Variants in CELF2 observed in about 807,000 individuals in gnomAD.
The protein encoded by CELF2 is CUG triplet repeat RNA-binding protein 2.
Under a neutral mutation model 62.6 loss-of-function variants are expected in CELF2, and 8 were observed. That is an observed-to-expected ratio of 0.13 (90% CI 0.07 to 0.23). The LOEUF (loss-of-function observed/expected upper bound fraction) is 0.23, where lower values mean the gene tolerates loss of function less well. CELF2 is among the 10% of genes least tolerant of loss of function. The pLI is 1.00. For missense variants in CELF2, 333 were observed against 671.0 expected, an observed-to-expected ratio of 0.50 and a Z score of 5.56; for synonymous variants, 258 against 250.0, an observed-to-expected ratio of 1.03 and a Z score of -0.30.
intron 1 of CELF2, among the ~76,000 whole-genome samples, chr10:11,068,809 C>T (rs2068871142): frequency 6.6e-6 from 1 of 152,188 alleles, no homozygotes; most frequent in Non-Finnish European, 1.5e-5. Flanking sequence ...ATCCACCCGC[C>T]TCAGCTTCCC....
At chr10:10,697,544 TCA>T in the CELF2 span, among the ~76,000 whole-genome samples, 1 of 152,184 alleles carries the variant, frequency 6.6e-6, no homozygotes, top group East Asian at 1.9e-4. Flanking sequence ...AATTGACTTC[TCA>T]CAGTTCTAGA....
At position 11,005,668 on chromosome 10, in the gene CELF2, G is replaced by C. The variant is rs1233435345; in HGVS notation, c.53+228G>C. Among the ~76,000 whole-genome samples, 1 of 152,170 alleles carries C rather than the reference G, an allele frequency of 6.6e-6. No individual in the cohort carries two copies. Among genetic ancestry groups the C allele is most frequent in the Admixed American group, 6.5e-5 (1 of 15,274 alleles). Reference sequence around the variant, plus strand: ...GCCGTGAATTCTATTTGTACTAGTTGCCTTTTGAAAGCATATCATGTATTT... The same window carrying C: ...GCCGTGAATTCTATTTGTACTAGTTCCCTTTTGAAAGCATATCATGTATTT... On this transcript the variant is annotated intron_variant, in intron 1 of 12. Coordinates refer to the CELF2 transcript ENST00000416382. This position sits in a 1 kb window ranked among gnomAD's most constrained non-coding sequence, Gnocchi z 4.3.
chr10:10,482,092 T>G, the CELF2 span, among the ~76,000 whole-genome samples: 1 of 152,238 alleles, frequency 6.6e-6, no homozygotes, highest in Non-Finnish European at 1.5e-5. Context: ...GCACATACAC[T>G]CTGCGTCTGT....
chr10:10,582,252 A>G, the CELF2 span, among the ~76,000 whole-genome samples: 1 of 152,182 alleles, frequency 6.6e-6, no homozygotes, highest in African/African-American at 2.4e-5. Context: ...CAGTATTTTT[A>G]TAGCAAGCCC....
In CELF2 at chr10:11,156,304, G is replaced by A. The variant is rs964339804; in HGVS notation, c.75-9182G>A. Among the ~76,000 whole-genome samples, 45 of 152,144 alleles carry A rather than the reference G, an allele frequency of 3.0e-4. No individual in the cohort carries two copies. Among genetic ancestry groups the A allele is most frequent in the African/African-American group, 1.0e-3 (43 of 41,416 alleles). On this transcript the variant is annotated intron_variant, in intron 1 of 12. Transcript: ENST00000633077. This position sits in a 1 kb window ranked among gnomAD's most constrained non-coding sequence, Gnocchi z 4.3. The stretch of plus-strand genomic sequence containing the variant: ...TAATAGTGGCGACAGATCACATGAC[G>A]TGTGATTTAATTTTACTGCTTTGAA...
rs1681801093 is a variant in CELF2 at position 11,008,371 on chromosome 10, T to G, written c.53+2931T>G. On this transcript the variant is annotated intron_variant, in intron 1 of 12. Transcript: ENST00000416382. This position sits in a 1 kb window ranked among gnomAD's most constrained non-coding sequence, Gnocchi z 4.5. The stretch of plus-strand genomic sequence containing the variant: ...CCACAGACTGAGATCTCTAACCCCC[T>G]GTGTATGAATATTCCTTGATTTGTT... Among the ~76,000 whole-genome samples the G allele has an allele frequency of 6.6e-6, 1 of 152,206 alleles. No homozygotes were observed. Among genetic ancestry groups the G allele is most frequent in the Non-Finnish European group, 1.5e-5 (1 of 68,028 alleles).
At chr10:10,571,307 A>G in the CELF2 span, among the ~76,000 whole-genome samples, 1 of 152,236 alleles carries the variant, frequency 6.6e-6, no homozygotes, top group East Asian at 1.9e-4. Flanking sequence ...GTCAGTAAAA[A>G]GCAGACACAT....
rs149468492 is a variant in CELF2 at position 11,265,745 on chromosome 10, C to T, written c.539-853C>T. Among the ~76,000 whole-genome samples the T allele has an allele frequency of 2.6e-5, 4 of 152,342 alleles. No individual in the cohort carries two copies. The East Asian group carries it at 5.8e-4, about 22-fold the overall frequency. On this transcript the variant is annotated intron_variant, in intron 5 of 12. Transcript: ENST00000633077. ...GGCACTACAGAGTCTAGTTATTTTA[C>T]AGCACAAGAAAAAACAGGCACGGAA...
intron 1 of CELF2, among the ~76,000 whole-genome samples, chr10:11,052,495 G>A (rs186350663): frequency 4.6e-5 from 7 of 152,186 alleles, no homozygotes; most frequent in Admixed American, 3.9e-4. Context: ...ATTGTTGCAC[G>A]GTCCTTGGGT....
intron 4 of CELF2, among the ~76,000 whole-genome samples, chr10:11,252,402 T>G (rs966583449): frequency 2.0e-5 from 3 of 152,258 alleles, no homozygotes; most frequent in Non-Finnish European, 2.9e-5. Context: ...GTTAGACAGT[T>G]ACTGTCTTCA....
the CELF2 span, among the ~76,000 whole-genome samples, chr10:10,732,755 C>A: frequency 6.6e-6 from 1 of 152,114 alleles, no homozygotes; most frequent in East Asian, 1.9e-4. Context: ...AACTCCTGAC[C>A]TCAAGTGACC....
intron 1 of CELF2, among the ~76,000 whole-genome samples, chr10:10,881,478 T>C (rs2061434501): frequency 6.6e-6 from 1 of 152,166 alleles, no homozygotes. Context: ...TACTTCAAAC[T>C]TAATGCCTCT....
At position 11,038,077 on chromosome 10, in the gene CELF2, A is replaced by G. The variant is rs80172548; in HGVS notation, c.74+19914A>G. On this transcript the variant is annotated intron_variant, in intron 1 of 12. Coordinates refer to ENST00000633077, the MANE Select transcript of CELF2 (RefSeq NM_001326342.2). ...GGTAGCCATGTTAAGTTATAAACCA[A>G]TTGTTGCTGCTGGTGATAACAGGCA... 7.6e-3 allele frequency among the ~76,000 whole-genome samples: 1,158 copies of G among 152,276 alleles called. 16 individuals are homozygous for G. Among genetic ancestry groups the G allele is most frequent in the African/African-American group, 0.026 (1,098 of 41,546 alleles).
intron 1 of CELF2, among the ~76,000 whole-genome samples, chr10:11,161,938 T>C (rs1017737684): frequency 6.6e-6 from 1 of 152,224 alleles, no homozygotes; most frequent in East Asian, 1.9e-4. Flanking sequence ...GAAGTGTCAG[T>C]GCTACAGCCC....
chr10:11,073,573 G>A (rs1208630900), intron 1 of CELF2, among the ~76,000 whole-genome samples: 1 of 152,218 alleles, frequency 6.6e-6, no homozygotes, highest in African/African-American at 2.4e-5. Flanking sequence ...CTATATGTCA[G>A]GCACTGTGCC....
chr10:11,017,845 A>AGCG (rs1044308563), upstream of CELF2: 533 of 634,098 alleles, frequency 8.4e-4, 1 homozygote, highest in Non-Finnish European at 1.0e-3. The surrounding 1 kb of genome is among the most constrained non-coding windows in gnomAD (Gnocchi z 5.5). Flanking sequence ...GCAGGGGTTA[A>AGCG]GCGGCGGCGG....
intron 2 of CELF2, among the ~76,000 whole-genome samples, chr10:11,215,048 C>T (rs560384500): frequency 6.6e-6 from 1 of 152,320 alleles, no homozygotes; most frequent in Admixed American, 6.5e-5. Flanking sequence ...TCACTAAGAA[C>T]TTTGTTCAAG....
intron 2 of CELF2, among the ~76,000 whole-genome samples, chr10:10,977,077 G>A (rs950942586): frequency 9.9e-5 from 15 of 151,164 alleles, no homozygotes; most frequent in African/African-American, 3.0e-4. Context: ...CCCTGATTTA[G>A]ACCAATTCTT....
the CELF2 span, among the ~76,000 whole-genome samples, chr10:10,747,446 G>A: frequency 6.6e-6 from 1 of 152,148 alleles, no homozygotes; most frequent in Non-Finnish European, 1.5e-5. Flanking sequence ...AAGGAAAGGG[G>A]AAGGATACAT....
Sources: gnomAD v4.1 joint callset for allele counts (sites outside exome capture counted in the v4.1 genomes callset) on GRCh38, gnomAD v4.1.1 for gene constraint, Gnocchi (gnomAD v3.1) non-coding constraint, MANE v1.5 for transcripts, NCBI Gene and HGNC (gene_info 2026-07-23, HGNC 2026-07-21) for gene names.